The following EPG5 variants were observed in gnomAD, a reference collection of about 807,000 sequenced individuals.
EPG5 encodes the protein ectopic P granules protein 5 homolog.
In EPG5, 159 loss-of-function variants were observed where a neutral mutation model predicts 302.7. The ratio of observed to expected loss-of-function variants is 0.53; its 90% CI spans 0.46 to 0.60. The LOEUF (loss-of-function observed/expected upper bound fraction) is 0.60. Ranked by LOEUF, EPG5 falls within the 20% of genes least tolerant of loss-of-function variation. EPG5 has a pLI of 0.00. For missense variants in EPG5, 2,896 were observed against 3,092.4 expected, an observed-to-expected ratio of 0.94 and a Z score of 1.51; for synonymous variants, 1,158 against 1,136.8, an observed-to-expected ratio of 1.02 and a Z score of -0.37.
chr18:45,956,753 T>C (rs1337624660), intron 1 of EPG5, among the ~76,000 whole-genome samples: 1 of 152,088 alleles, frequency 6.6e-6, no homozygotes, highest in East Asian at 1.9e-4. Flanking sequence ...GTTTTAATCA[T>C]TGTTCCATGC....
chr18:45,838,776 G>C, the EPG5 span: 1 of 1,570,348 alleles, frequency 6.4e-7, no homozygotes, highest in Non-Finnish European at 8.6e-7. Flanking sequence ...CCTTCCGCGC[G>C]CTCTGCACTG....
At position 45,851,172 on chromosome 18, in the gene EPG5, T is replaced by C. The variant is rs1261412003; in HGVS notation, c.*1295A>G. The C allele has an allele frequency of 6.6e-6, 1 of 152,196 alleles. No individual in the cohort carries two copies. The highest frequency in any genetic ancestry group is 6.5e-5 in the Admixed American group (1 of 15,282). 9.4% of individuals were successfully genotyped at this position (152,196 alleles called of 1,614,324 possible). Reference sequence around the variant, plus strand: ...TATATTCCTATACCCCTATAAACATTCTTGGTGGCTGTTTAGACATTTTTA... The same window carrying C: ...TATATTCCTATACCCCTATAAACATCCTTGGTGGCTGTTTAGACATTTTTA... On this transcript the variant is annotated 3_prime_UTR_variant, in exon 44 of 44. Coordinates refer to ENST00000282041, the MANE Select transcript of EPG5 (RefSeq NM_020964.3).
chr18:45,834,017 C>T, the EPG5 span, among the ~76,000 whole-genome samples: 11 of 152,286 alleles, frequency 7.2e-5, no homozygotes, highest in South Asian at 4.1e-4. Context: ...GGCCTCATTA[C>T]GCCTTCATGC....
the EPG5 span, among the ~76,000 whole-genome samples, chr18:45,806,159 T>C: frequency 5.3e-5 from 8 of 152,220 alleles, no homozygotes. Context: ...ATTTATCAGC[T>C]CAATAGTATC....
At chr18:45,952,279 A>C (rs779352091) in intron 3 of EPG5, 121 bp downstream of exon 3, 17 of 1,254,412 alleles carry the variant, frequency 1.4e-5, no homozygotes, top group Non-Finnish European at 1.8e-5. Context: ...GGCCTGGTAA[A>C]ACTGCAAGCA....
chr18:45,949,160 T>C (rs2050850840), intron 5 of EPG5, among the ~76,000 whole-genome samples: 1 of 152,134 alleles, frequency 6.6e-6, no homozygotes, highest in African/African-American at 2.4e-5. Flanking sequence ...TAAGACAGAT[T>C]GACTTAGGAA....
rs753396825 is a variant in EPG5 at position 45,851,033 on chromosome 18, A to G, written c.*1434T>C. On this transcript the variant is annotated 3_prime_UTR_variant, in exon 44 of 44. Coordinates refer to ENST00000282041, the MANE Select transcript of EPG5 (RefSeq NM_020964.3). Reference sequence around the variant, plus strand: ...GCTGCAAAGCGTGTCTTTAAGGCAGAATCGTTCTGTCCAAGTAAAGAAATT... The same window carrying G: ...GCTGCAAAGCGTGTCTTTAAGGCAGGATCGTTCTGTCCAAGTAAAGAAATT... The G allele has an allele frequency of 5.3e-5, 8 of 152,242 alleles. No homozygotes were observed. The highest frequency in any genetic ancestry group is 8.8e-5 in the Non-Finnish European group (6 of 68,026). 9.4% of individuals were successfully genotyped at this position (152,242 alleles called of 1,614,324 possible).
chr18:45,837,493 G>A, the EPG5 span: 2 of 1,462,008 alleles, frequency 1.4e-6, no homozygotes, highest in South Asian at 1.4e-5. Context: ...CGAGCCTGAC[G>A]CAGCCCGCCC....
At chr18:45,872,611 G>T (rs1194265248) in intron 35 of EPG5, among the ~76,000 whole-genome samples, 1 of 152,116 alleles carries the variant, frequency 6.6e-6, no homozygotes, top group African/African-American at 2.4e-5. Context: ...GGCTGAGGTG[G>T]GAGAACTGCT....
At chr18:45,839,738 G>A in the EPG5 span, among the ~76,000 whole-genome samples, 5 of 152,168 alleles carry the variant, frequency 3.3e-5, no homozygotes, top group Admixed American at 2.0e-4. Flanking sequence ...CAGAGATCAT[G>A]GTGGATTGAC....
At chr18:45,967,089 G>T in intron 1 of EPG5, 88 bp downstream of exon 1, 1 of 1,311,516 alleles carries the variant, frequency 7.6e-7, no homozygotes, top group South Asian at 1.4e-5. Flanking sequence ...TCAGGGAACG[G>T]GAGTAGAATT....
chr18:45,911,313 T>C (rs1326041530), intron 22 of EPG5, among the ~76,000 whole-genome samples: 2 of 148,174 alleles, frequency 1.3e-5, no homozygotes, highest in Admixed American at 1.3e-4. Context: ...TTAGACAGAC[T>C]CTTGCTCTGT....
chr18:45,904,195 A>G, intron 24 of EPG5, 78 bp from the exon 25 acceptor site: 2 of 1,504,742 alleles, frequency 1.3e-6, no homozygotes. Context: ...TTAACTATAA[A>G]GTGAACCAGT....
At position 45,917,306 on chromosome 18, in the gene EPG5, G is replaced by A. The variant is rs546638344; in HGVS notation, c.3239+373C>T. 6.6e-5 allele frequency among the ~76,000 whole-genome samples: 10 copies of A among 152,248 alleles called. No homozygotes were observed. The South Asian group carries it at 2.1e-3, about 32-fold the overall frequency. ...ATCTGTTTGCAACACTGCACTATGT[G>A]CACTGTAAACAATTTAAAACAATCT... On this transcript the variant is annotated intron_variant, in intron 17 of 43. Transcript: ENST00000282041.
chr18:45,964,953 C>A (rs1357477277), intron 1 of EPG5, among the ~76,000 whole-genome samples: 1 of 152,100 alleles, frequency 6.6e-6, no homozygotes, highest in Admixed American at 6.5e-5. Context: ...AACTCTGTCT[C>A]AAAATAAATA....
Position 45,855,706 on chromosome 18 carries a change from G to C in EPG5, c.7443-19C>G. On this transcript the variant is annotated intron_variant, in intron 42 of 43. Transcript: ENST00000282041. ...TCGGAACCTTAGGCATTAGGGAGAGGTCAGAAGAAGTAAATGGCTATTAAA... is the reference window on the plus strand; with the variant it reads ...TCGGAACCTTAGGCATTAGGGAGAGCTCAGAAGAAGTAAATGGCTATTAAA... The C allele has an allele frequency of 1.3e-6, 2 of 1,527,590 alleles. No homozygotes were observed. Among genetic ancestry groups the C allele is most frequent in the Non-Finnish European group, 1.8e-6 (2 of 1,101,420 alleles). 94.6% of individuals were successfully genotyped at this position (1,527,590 alleles called of 1,614,324 possible).
chr18:45,964,692 G>T (rs934994253), intron 1 of EPG5, among the ~76,000 whole-genome samples: 2 of 152,194 alleles, frequency 1.3e-5, no homozygotes. Context: ...TCTGAGCCGG[G>T]TGTGGTGGCT....
At chr18:45,926,702 C>A (rs2145788687) in intron 13 of EPG5, among the ~76,000 whole-genome samples, 1 of 151,912 alleles carries the variant, frequency 6.6e-6, no homozygotes, top group African/African-American at 2.4e-5. Context: ...GCCTGTAATC[C>A]CAACTACTCA....
At position 45,910,615 on chromosome 18, in the gene EPG5, G is replaced by A. The variant is rs368438786; in HGVS notation, c.4111C>T (p.Arg1371Cys). The change falls in exon 23 of 44, where the codon CGT (arginine) becomes TGT (cysteine). Residue 1371 changes from arginine to cysteine, a missense_variant. Arg to Cys is a radical substitution (Grantham distance 180). Coordinates refer to ENST00000282041, the MANE Select transcript of EPG5 (RefSeq NM_020964.3). ...CCTTCACTGCCCTCTGCTGGAACAC[G>A]GAGGGCCTTGCTTGCAGCATGGTGG... ...DFHHAASKAL[R>C]VPAEGSEGLP... 2.7e-5 allele frequency: 44 copies of A among 1,613,984 alleles called. No individual in the cohort carries two copies. The highest frequency in any genetic ancestry group is 3.3e-5 in the Non-Finnish European group (39 of 1,180,008).
Sources: allele counts gnomAD v4.1 joint callset (sites outside exome capture counted in the v4.1 genomes callset), GRCh38; gene constraint gnomAD v4.1.1; transcripts MANE v1.5; gene names NCBI Gene and HGNC (gene_info 2026-07-23, HGNC 2026-07-21).